The following PRSS38 variants were observed in gnomAD, a reference collection of about 807,000 sequenced individuals.
PRSS38 encodes the protein marapsin 2.
In PRSS38, 22 loss-of-function variants were observed where a neutral mutation model predicts 26.8. That is an observed-to-expected ratio of 0.82 (90% CI 0.59 to 1.17). PRSS38 has a LOEUF of 1.17. Among genes scored for constraint, PRSS38 ranks in the 50% most tolerant of loss-of-function variants. PRSS38 has a pLI of 0.00. For missense variants in PRSS38, 427 were observed against 422.7 expected, an observed-to-expected ratio of 1.01 and a Z score of -0.09; for synonymous variants, 175 against 172.1, an observed-to-expected ratio of 1.02 and a Z score of -0.13.
At chr1:227,843,100 C>T (rs894228458) in intron 3 of PRSS38, among the ~76,000 whole-genome samples, 1 of 152,114 alleles carries the variant, frequency 6.6e-6, no homozygotes, top group African/African-American at 2.4e-5. Context: ...ATAGCCTTGC[C>T]CTTTCTATGA....
intron 3 of PRSS38, among the ~76,000 whole-genome samples, chr1:227,833,890 G>C (rs1365042431): frequency 1.3e-5 from 2 of 152,176 alleles, no homozygotes; most frequent in East Asian, 3.8e-4. Context: ...TCCCCCAAAA[G>C]ATATGTTGAA....
rs1438693429 is a variant in PRSS38 at position 227,836,483 on chromosome 1, C to G, written c.584-8987C>G. On this transcript the variant is annotated intron_variant, in intron 3 of 4. Coordinates refer to ENST00000366757, the Ensembl canonical transcript of PRSS38. ...CGGGCGGATCACGAGGTCAGGAGAT[C>G]GAGACCATCCCGGCTAAAACGGTGA... Among the ~76,000 whole-genome samples, 5 of 5,738 alleles carry G rather than the reference C, an allele frequency of 8.7e-4. 2 individuals carry two copies. The highest frequency in any genetic ancestry group is 4.8e-3 in the Admixed American group (5 of 1,040). 3.8% of individuals were successfully genotyped at this position (5,738 alleles called of 152,430 possible).
intron 3 of PRSS38, among the ~76,000 whole-genome samples, chr1:227,823,043 A>G (rs1572082034): frequency 6.6e-6 from 1 of 152,204 alleles, no homozygotes; most frequent in Non-Finnish European, 1.5e-5. Context: ...CATCACCCAA[A>G]TAGTGAACAT....
chr1:227,833,285 T>C (rs941608253), intron 3 of PRSS38, among the ~76,000 whole-genome samples: 5 of 152,176 alleles, frequency 3.3e-5, no homozygotes, highest in African/African-American at 7.2e-5. Context: ...CCCAGCACTT[T>C]GGGAGGCCGA....
At chr1:227,842,121 C>A (rs1358727335) in intron 3 of PRSS38, among the ~76,000 whole-genome samples, 1 of 152,180 alleles carries the variant, frequency 6.6e-6, no homozygotes, top group African/African-American at 2.4e-5. Flanking sequence ...CAAATGCCTC[C>A]CATTAGGCCC....
At chr1:227,845,844 C>A (rs1665422187) in intron 4 of PRSS38, 110 bp from the exon 5 acceptor site, 2 of 1,451,140 alleles carry the variant, frequency 1.4e-6, no homozygotes. Flanking sequence ...GGGGCACTGG[C>A]CCCTTCCAGC....
chr1:227,834,774 G>A (rs1357318930), intron 3 of PRSS38, among the ~76,000 whole-genome samples: 1 of 152,110 alleles, frequency 6.6e-6, no homozygotes, highest in Non-Finnish European at 1.5e-5. Context: ...AGGCTGCAGT[G>A]AGCCAAGATT....
At chr1:227,835,404 A>G (rs1304710771) in intron 3 of PRSS38, among the ~76,000 whole-genome samples, 1 of 152,182 alleles carries the variant, frequency 6.6e-6, no homozygotes, top group Non-Finnish European at 1.5e-5. Flanking sequence ...CCAACTCTAA[A>G]AAACAATGTT....
intron 3 of PRSS38, among the ~76,000 whole-genome samples, chr1:227,829,376 C>T (rs374153296): frequency 1.4e-4 from 22 of 151,972 alleles, no homozygotes; most frequent in African/African-American, 3.4e-4. Context: ...ATTTCTCTGA[C>T]GATTAGTGAT....
At chr1:227,829,301 G>GT (rs1665118817) in intron 3 of PRSS38, among the ~76,000 whole-genome samples, 1 of 151,992 alleles carries the variant, frequency 6.6e-6, no homozygotes, top group Non-Finnish European at 1.5e-5. Context: ...AATTTCTGTT[G>GT]TTTTTTGACT....
At chr1:227,826,247 G>A (rs1665072471) in intron 3 of PRSS38, among the ~76,000 whole-genome samples, 2 of 152,176 alleles carry the variant, frequency 1.3e-5, no homozygotes, top group South Asian at 4.1e-4. Context: ...ATGAGACTTT[G>A]CTGAAGTTGC....
At chr1:227,833,757 A>G (rs1369842412) in intron 3 of PRSS38, among the ~76,000 whole-genome samples, 1 of 152,244 alleles carries the variant, frequency 6.6e-6, no homozygotes, top group Admixed American at 6.5e-5. Context: ...TCACATACAA[A>G]AGAATGAAGT....
chr1:227,845,166 A>AGGCTCCTCCCTAATGTGTGGTGG (rs1665406286), intron 3 of PRSS38, among the ~76,000 whole-genome samples: 1 of 63,578 alleles, frequency 1.6e-5, no homozygotes, highest in African/African-American at 6.5e-5. Flanking sequence ...GTGTGTGGTG[A>AGGCTCCTCCCTAATGTGTGGTGG]GGCTCCTCCC....
chr1:227,836,877 G>C (rs1665244786), intron 3 of PRSS38, among the ~76,000 whole-genome samples: 1 of 152,170 alleles, frequency 6.6e-6, no homozygotes, highest in Non-Finnish European at 1.5e-5. Context: ...TTTTTAAAAT[G>C]TTATTTCTTG....
exon 5 of PRSS38, chr1:227,846,145 T>C: frequency 6.2e-7 from 1 of 1,613,858 alleles, no homozygotes; most frequent in Non-Finnish European, 8.5e-7. Flanking sequence ...CTGCTCTCTC[T>C]CCAGCTCTGG....
At chr1:227,842,777 A>C (rs1572091616) in intron 3 of PRSS38, among the ~76,000 whole-genome samples, 1 of 151,912 alleles carries the variant, frequency 6.6e-6, no homozygotes, top group East Asian at 1.9e-4. Flanking sequence ...GGGTTTCTCC[A>C]TGTTGGTCAG....
chr1:227,832,867 G>C (rs928111400), intron 3 of PRSS38, among the ~76,000 whole-genome samples: 2 of 152,112 alleles, frequency 1.3e-5, no homozygotes, highest in African/African-American at 4.8e-5. Context: ...CACAAAAAAA[G>C]TTGTGCTTCT....
intron 3 of PRSS38, among the ~76,000 whole-genome samples, chr1:227,821,473 C>T (rs953286388): frequency 6.6e-6 from 1 of 151,990 alleles, no homozygotes; most frequent in Non-Finnish European, 1.5e-5. Context: ...GTTTTGTGTC[C>T]TTTCTTTTCA....
chr1:227,833,311 T>C (rs998117387), intron 3 of PRSS38, among the ~76,000 whole-genome samples: 4 of 152,182 alleles, frequency 2.6e-5, no homozygotes, highest in African/African-American at 9.6e-5. Flanking sequence ...GCAGATCACC[T>C]GAGGTCAGGA....
Sources: gnomAD v4.1 joint callset for allele counts (sites outside exome capture counted in the v4.1 genomes callset) on GRCh38, gnomAD v4.1.1 for gene constraint, MANE v1.5 for transcripts, NCBI Gene and HGNC (gene_info 2026-07-23, HGNC 2026-07-21) for gene names.